Variants in UNC13C observed in about 807,000 individuals in gnomAD.
The protein encoded by UNC13C is unc-13 homolog C, also known as protein unc-13 homolog C.
Under a neutral mutation model 245.4 loss-of-function variants are expected in UNC13C, and 174 were observed. The ratio of observed to expected loss-of-function variants is 0.71; its 90% CI spans 0.63 to 0.80. The LOEUF is 0.80. UNC13C is among the 30% of genes least tolerant of loss of function. The pLI is 0.00. For missense variants in UNC13C, 2,829 were observed against 2,602.9 expected, an observed-to-expected ratio of 1.09 and a Z score of -1.89; for synonymous variants, 992 against 895.1, an observed-to-expected ratio of 1.11 and a Z score of -1.93.
intron 17 of UNC13C, among the ~76,000 whole-genome samples, chr15:54,371,710 A>G (rs1409847990): frequency 1.7e-5 from 2 of 117,378 alleles, no homozygotes; most frequent in East Asian, 4.1e-4. Flanking sequence ...TAATGGATAT[A>G]TATATATACA....
At chr15:54,489,594 G>C (rs1893602721) in intron 19 of UNC13C, among the ~76,000 whole-genome samples, 1 of 152,144 alleles carries the variant, frequency 6.6e-6, no homozygotes, top group Non-Finnish European at 1.5e-5. Flanking sequence ...ATTAAGCTTG[G>C]AAAATCTTGT....
rs2033544467 is a variant in UNC13C at position 54,174,670 on chromosome 15, G to A, written c.3071+30986G>A. Among the ~76,000 whole-genome samples, 4 of 152,136 alleles carry A rather than the reference G, an allele frequency of 2.6e-5. No individual in the cohort carries two copies. The South Asian group carries it at 8.3e-4, about 31-fold the overall frequency. On this transcript the variant is annotated intron_variant, in intron 4 of 32. Transcript: ENST00000260323. ...AATCATAAATTGTTAAACAAGCAAA[G>A]CAAAACGAAGCCTGGACCATATAAT... is the stretch of plus-strand genomic sequence containing the variant.
chr15:54,348,825 AT>A (rs1403191530), intron 17 of UNC13C, among the ~76,000 whole-genome samples: 10 of 152,118 alleles, frequency 6.6e-5, no homozygotes, highest in Non-Finnish European at 1.5e-4. Flanking sequence ...AAAATATCCA[AT>A]TCTGTAACTC....
chr15:54,366,195 T>C (rs1277326440), intron 17 of UNC13C, among the ~76,000 whole-genome samples: 3 of 152,206 alleles, frequency 2.0e-5, no homozygotes, highest in African/African-American at 7.2e-5. Flanking sequence ...TTATTTAGAA[T>C]TTATTGCAGA....
At chr15:54,282,664 C>A (rs1311465522) in intron 10 of UNC13C, among the ~76,000 whole-genome samples, 1 of 152,158 alleles carries the variant, frequency 6.6e-6, no homozygotes, top group Non-Finnish European at 1.5e-5. Context: ...CTGACAAGTG[C>A]AAGGGGCCAG....
chr15:53,920,589 A>G, the UNC13C span, among the ~76,000 whole-genome samples: 1 of 152,060 alleles, frequency 6.6e-6, no homozygotes, highest in African/African-American at 2.4e-5. Context: ...TTATATTTAT[A>G]ATTGCTAACT....
intron 14 of UNC13C, among the ~76,000 whole-genome samples, chr15:54,327,618 TCA>T (rs1432004995): frequency 6.6e-6 from 1 of 152,014 alleles, no homozygotes; most frequent in Admixed American, 6.6e-5. Context: ...AGGCCAGAGC[TCA>T]ATTAGAGCTC....
the UNC13C span, among the ~76,000 whole-genome samples, chr15:53,905,468 C>A: frequency 6.8e-5 from 10 of 146,486 alleles, no homozygotes; most frequent in African/African-American, 2.5e-4. Context: ...AAAGAAAATC[C>A]TGAACATGAA....
chr15:54,023,855 CAG>C (rs1285667425), intron 2 of UNC13C, among the ~76,000 whole-genome samples: 2 of 152,268 alleles, frequency 1.3e-5, no homozygotes, highest in East Asian at 3.9e-4. Context: ...TACTGTATCT[CAG>C]AGATTCAAGA....
At chr15:54,226,381 C>T (rs2035383114) in intron 4 of UNC13C, among the ~76,000 whole-genome samples, 1 of 152,110 alleles carries the variant, frequency 6.6e-6, no homozygotes, top group Admixed American at 6.5e-5. Context: ...GAAATGGTAC[C>T]ACCTCTTTTC....
chr15:54,599,643 C>T (rs923969936), intron 30 of UNC13C, among the ~76,000 whole-genome samples: 4 of 151,960 alleles, frequency 2.6e-5, no homozygotes, highest in Admixed American at 6.6e-5. Context: ...TCCAACTACC[C>T]GAAACACATG....
rs1264784550 is a variant in UNC13C at position 54,585,821 on chromosome 15, A to G, written c.6106+17874A>G. ...TATAACCTTTTATATACAAATTCTC[A>G]AGGTAAACAATAACTTGTCCTCAAG... On this transcript the variant is annotated intron_variant, in intron 30 of 32. Coordinates refer to ENST00000260323, the MANE Select transcript of UNC13C (RefSeq NM_001080534.3). 1.3e-5 allele frequency among the ~76,000 whole-genome samples: 2 copies of G among 152,350 alleles called. 1 individual carries two copies. Among genetic ancestry groups the G allele is most frequent in the South Asian group, 4.1e-4 (2 of 4,830 alleles).
downstream of UNC13C, chr15:54,629,006 A>G (rs955965916): frequency 6.6e-6 from 1 of 152,188 alleles, no homozygotes; most frequent in Non-Finnish European, 1.5e-5. Flanking sequence ...CTGCAGCACT[A>G]TTCACAATAG....
Position 54,012,802 on chromosome 15 carries a change from C to A in UNC13C, c.-102C>A. 1 of 929,592 alleles carries A rather than the reference C, an allele frequency of 1.1e-6. No homozygotes were observed. Among genetic ancestry groups the A allele is most frequent in the Non-Finnish European group, 1.6e-6 (1 of 611,794 alleles). 57.6% of individuals were successfully genotyped at this position (929,592 alleles called of 1,614,324 possible). On this transcript the variant is annotated 5_prime_UTR_variant, in exon 2 of 33. The change creates a premature stop within an existing upstream ORF in the 5' untranslated region. Coordinates refer to ENST00000260323, the MANE Select transcript of UNC13C (RefSeq NM_001080534.3). ...GCCCTTCCTGCTCTTTCCAGTGATT[C>A]ACAGAACTTCTGAACAGTGATGCTT...
At chr15:54,577,295 C>G (rs1398514963) in intron 30 of UNC13C, among the ~76,000 whole-genome samples, 1 of 152,158 alleles carries the variant, frequency 6.6e-6, no homozygotes, top group Non-Finnish European at 1.5e-5. Flanking sequence ...AAGTATGCCA[C>G]TGTGCACAGT....
At chr15:53,940,848 T>C in the UNC13C span, among the ~76,000 whole-genome samples, 12 of 152,332 alleles carry the variant, frequency 7.9e-5, no homozygotes, top group Middle Eastern at 3.4e-3. Flanking sequence ...TCCATGCTCA[T>C]GTATAGAAAT....
rs557231462 is a variant in UNC13C at position 54,461,957 on chromosome 15, T to C, written c.4934-32651T>C. On this transcript the variant is annotated intron_variant, in intron 19 of 32. Transcript: ENST00000260323. The stretch of plus-strand genomic sequence containing the variant: ...GAAATGCAGAGATCACTGTCAGTAC[T>C]GGTCTTACCTTCAAGTGATGACCAC... Among the ~76,000 whole-genome samples, 4 of 152,270 alleles carry C rather than the reference T, an allele frequency of 2.6e-5. No individual in the cohort carries two copies. In the South Asian group the frequency reaches 6.2e-4, roughly 24 times the overall value.
the UNC13C span, among the ~76,000 whole-genome samples, chr15:53,872,319 A>G: frequency 6.7e-6 from 1 of 148,592 alleles, no homozygotes; most frequent in Non-Finnish European, 1.5e-5. Flanking sequence ...ATCTCTTCAT[A>G]TTTCTTTCAA....
chr15:54,401,505 A>C lies in UNC13C; in HGVS notation c.4847+8324A>C, dbSNP rs16974581. Among the ~76,000 whole-genome samples the C allele has an allele frequency of 7.3e-3, 1,113 of 152,276 alleles. 82 individuals carry two copies. In the East Asian group the frequency reaches 0.15, roughly 21 times the overall value. On this transcript the variant is annotated intron_variant, in intron 18 of 32. Coordinates refer to ENST00000260323, the MANE Select transcript of UNC13C (RefSeq NM_001080534.3). The stretch of plus-strand genomic sequence containing the variant: ...CTGTACCAAGAAATACTAAGAGTGA[A>C]TCGGCTGACAGGGAGAATAGACACT...
Sources: gnomAD v4.1 joint callset for allele counts (sites outside exome capture counted in the v4.1 genomes callset) on GRCh38, gnomAD v4.1.1 for gene constraint, MANE v1.5 for transcripts, NCBI Gene and HGNC (gene_info 2026-07-23, HGNC 2026-07-21) for gene names.